NECAB2: variants seen among roughly 807,000 people sequenced by gnomAD.
The protein encoded by NECAB2 is N-terminal EF-hand calcium-binding protein 2.
NECAB2 carries 68 observed loss-of-function variants against 51.9 expected under a neutral mutation model. That is an observed-to-expected ratio of 1.31 (90% CI 1.08 to 1.60). The LOEUF (loss-of-function observed/expected upper bound fraction) is 1.60, where lower values mean the gene tolerates loss of function less well. NECAB2 is among the 40% of genes most tolerant of loss of function. The pLI is 0.00. For missense variants in NECAB2, 854 were observed against 490.3 expected (o/e 1.74, Z -7.00); for synonymous variants, 329 against 203.5 (o/e 1.62, Z -5.25).
Position 83,972,185 on chromosome 16 carries a change from C to G in NECAB2, c.226+10C>G. On this transcript the variant is annotated intron_variant, in intron 2 of 12. Coordinates refer to ENST00000305202, the MANE Select transcript of NECAB2 (RefSeq NM_019065.3). ...CGTGCGGACAAAAATGGTGAGTTTC[C>G]CTTCCAGGCCGACGGCCGCCCCACT... 6.2e-7 allele frequency: 1 copy of G among 1,613,572 alleles called. No individual in the cohort carries two copies. The highest frequency in any genetic ancestry group is 8.5e-7 in the Non-Finnish European group (1 of 1,180,014).
chr16:83,990,267 C>CTA (rs548229195), intron 5 of NECAB2, among the ~76,000 whole-genome samples: 403 of 152,278 alleles, frequency 2.6e-3, no homozygotes, highest in Non-Finnish European at 5.0e-3. Flanking sequence ...GGTCACAGAG[C>CTA]TAGTAAGTGG....
At chr16:83,994,757 G>A in intron 8 of NECAB2, 69 bp downstream of exon 8, 1 of 1,556,914 alleles carries the variant, frequency 6.4e-7, no homozygotes, top group Non-Finnish European at 8.8e-7. Flanking sequence ...TAAGCCTGGA[G>A]TTCAGGACAA....
At chr16:83,978,124 C>T (rs755009226) in intron 2 of NECAB2, among the ~76,000 whole-genome samples, 1 of 152,080 alleles carries the variant, frequency 6.6e-6, no homozygotes, top group African/African-American at 2.4e-5. Context: ...ATGGTGAGCC[C>T]AAGAAAGCTA....
At chr16:83,972,768 G>T (rs1188509250) in intron 2 of NECAB2, among the ~76,000 whole-genome samples, 1 of 152,156 alleles carries the variant, frequency 6.6e-6, no homozygotes, top group African/African-American at 2.4e-5. Context: ...GCCTTGTTGT[G>T]GCCACGGAAT....
At chr16:83,972,114 C>T (rs372714477) in intron 1 of NECAB2, 37 bp from the exon 2 acceptor site, 10 of 1,612,554 alleles carry the variant, frequency 6.2e-6, no homozygotes, top group South Asian at 2.2e-5. Context: ...CTTGCCTCTC[C>T]CTGGCCCAGG....
intron 5 of NECAB2, among the ~76,000 whole-genome samples, chr16:83,983,883 G>GA (rs1376631366): frequency 6.6e-6 from 1 of 151,860 alleles, no homozygotes; most frequent in Non-Finnish European, 1.5e-5. Context: ...ATAACGCTTG[G>GA]GTCTCAGTGT....
chr16:83,989,301 C>G (rs556394430), intron 5 of NECAB2, among the ~76,000 whole-genome samples: 40 of 152,296 alleles, frequency 2.6e-4, no homozygotes, highest in Admixed American at 1.6e-3. Flanking sequence ...GGGTCTGTCC[C>G]CAGCAGACCC....
At position 83,997,164 on chromosome 16, in the gene NECAB2, G is replaced by A. The variant is rs558103138; in HGVS notation, c.796-52G>A. 186 of 1,611,252 alleles carry A rather than the reference G, an allele frequency of 1.2e-4. 1 individual carries two copies. Among genetic ancestry groups the A allele is most frequent in the South Asian group, 9.6e-4 (87 of 91,032 alleles). ...GGGATCCCAGAGCTCCTGGCTCCCCGGGGCGGAGTGGGGCTCTGGGTCTAG... is the reference window on the plus strand; with the variant it reads ...GGGATCCCAGAGCTCCTGGCTCCCCAGGGCGGAGTGGGGCTCTGGGTCTAG... On this transcript the variant is annotated intron_variant, in intron 8 of 12. Transcript: ENST00000305202.
chr16:83,997,279 C>G lies in NECAB2; in HGVS notation c.849+10C>G, dbSNP rs201360262. On this transcript the variant is annotated intron_variant, in intron 9 of 12. Transcript: ENST00000305202. Reference sequence around the variant, plus strand: ...AGATGGCACCAACATGGTGAGGCCCCTTCCCACCTCTCTTCTGGGACCACA... The same window carrying G: ...AGATGGCACCAACATGGTGAGGCCCGTTCCCACCTCTCTTCTGGGACCACA... The G allele has an allele frequency of 4.3e-5, 69 of 1,614,080 alleles. No individual in the cohort carries two copies. In the African/African-American group the frequency reaches 7.6e-4, roughly 18 times the overall value.
At chr16:83,998,031 T>G (rs1051979695) in intron 9 of NECAB2, among the ~76,000 whole-genome samples, 174 bp from the exon 10 acceptor site, 1 of 152,208 alleles carries the variant, frequency 6.6e-6, no homozygotes, top group African/African-American at 2.4e-5. Flanking sequence ...CTTGAGGTTC[T>G]AGTCCTTTCT....
chr16:83,976,535 A>C (rs934435064), intron 2 of NECAB2, among the ~76,000 whole-genome samples: 2 of 152,172 alleles, frequency 1.3e-5, no homozygotes, highest in African/African-American at 2.4e-5. Flanking sequence ...AGAACACAGA[A>C]AGCAACAACT....
chr16:83,990,270 G>A (rs1256922926), intron 5 of NECAB2, among the ~76,000 whole-genome samples: 1 of 152,198 alleles, frequency 6.6e-6, no homozygotes, highest in Non-Finnish European at 1.5e-5. Flanking sequence ...CACAGAGCTA[G>A]TAAGTGGTGA....
Position 83,994,703 on chromosome 16 carries a change from G to T in NECAB2, c.795+15G>T. On this transcript the variant is annotated intron_variant, in intron 8 of 12. Coordinates refer to ENST00000305202, the MANE Select transcript of NECAB2 (RefSeq NM_019065.3). ...TGGAGAGCAAAGTAAGCCCTGGCCT[G>T]ACCACGGCGTCTACTCCTTCCAACC... 1.2e-6 allele frequency: 2 copies of T among 1,613,750 alleles called. No individual in the cohort carries two copies. Among genetic ancestry groups the T allele is most frequent in the South Asian group, 2.2e-5 (2 of 91,002 alleles).
intron 1 of NECAB2, among the ~76,000 whole-genome samples, chr16:83,969,185 C>G (rs2084322573): frequency 6.6e-6 from 1 of 151,830 alleles, no homozygotes. Flanking sequence ...CCACCCTTTA[C>G]CCCGCGGGAC....
intron 5 of NECAB2, among the ~76,000 whole-genome samples, chr16:83,983,061 G>A (rs781340428): frequency 1.3e-5 from 2 of 151,988 alleles, no homozygotes; most frequent in African/African-American, 4.8e-5. Flanking sequence ...TAGAGACGGG[G>A]TTTCACCATG....
At position 83,996,068 on chromosome 16, in the gene NECAB2, G is replaced by A. The variant is rs541882971; in HGVS notation, c.796-1148G>A. 3.9e-5 allele frequency among the ~76,000 whole-genome samples: 6 copies of A among 152,294 alleles called. No individual in the cohort carries two copies. In the East Asian group the frequency reaches 1.2e-3, roughly 29 times the overall value. On this transcript the variant is annotated intron_variant, in intron 8 of 12. Transcript: ENST00000305202. ...CCGGGCGGTCAGCAGGGGCCAATCCGGGCCTGGCTTCAGGCCCCGCCCTTC... is the reference window on the plus strand; with the variant it reads ...CCGGGCGGTCAGCAGGGGCCAATCCAGGCCTGGCTTCAGGCCCCGCCCTTC...
intron 1 of NECAB2, among the ~76,000 whole-genome samples, chr16:83,971,127 C>G (rs1190086839): frequency 6.6e-6 from 1 of 152,032 alleles, no homozygotes; most frequent in African/African-American, 2.4e-5. Context: ...TGAATCAGTC[C>G]CCGTGGGAAC....
intron 5 of NECAB2, among the ~76,000 whole-genome samples, chr16:83,984,437 C>G (rs1211415889): frequency 4.0e-5 from 6 of 151,326 alleles, no homozygotes; most frequent in African/African-American, 1.2e-4. Flanking sequence ...AATAAAAGAT[C>G]TGCTGCCGCT....
intron 1 of NECAB2, among the ~76,000 whole-genome samples, chr16:83,969,250 G>A (rs903586511): frequency 2.1e-4 from 32 of 151,826 alleles, no homozygotes; most frequent in Admixed American, 6.6e-4. Context: ...GATCCTGTCC[G>A]GAGCGATACT....
Sources: allele counts gnomAD v4.1 joint callset (sites outside exome capture counted in the v4.1 genomes callset), GRCh38; gene constraint gnomAD v4.1.1; transcripts MANE v1.5; gene names NCBI Gene and HGNC (gene_info 2026-07-23, HGNC 2026-07-21).